Variants in NRCAM observed in about 807,000 individuals in gnomAD.
NRCAM encodes NgCAM-related cell adhesion molecule.
NRCAM carries 83 observed loss-of-function variants against 156.5 expected under a neutral mutation model. That is an observed-to-expected ratio of 0.53 (90% CI 0.44 to 0.64). The LOEUF is 0.64. Ranked by LOEUF, NRCAM falls within the 30% of genes least tolerant of loss-of-function variation. The pLI, the probability that NRCAM is intolerant of heterozygous loss-of-function variation, is 0.00. For missense variants in NRCAM, 1,417 were observed against 1,597.3 expected, an observed-to-expected ratio of 0.89 and a Z score of 1.92; for synonymous variants, 538 against 563.9, an observed-to-expected ratio of 0.95 and a Z score of 0.65.
intron 3 of NRCAM, among the ~76,000 whole-genome samples, chr7:108,296,354 A>G (rs1258355160): frequency 6.6e-6 from 1 of 152,212 alleles, no homozygotes; most frequent in Non-Finnish European, 1.5e-5. Flanking sequence ...GAACTGAAGT[A>G]GAGCCACTAA....
intron 3 of NRCAM, among the ~76,000 whole-genome samples, chr7:108,296,798 T>C (rs1334263434): frequency 6.6e-6 from 1 of 152,192 alleles, no homozygotes; most frequent in Non-Finnish European, 1.5e-5. Context: ...AACTGGCAAA[T>C]TAAATTAATT....
Position 108,447,534 on chromosome 7 carries a change from T to C in NRCAM, c.-332+8709A>G, listed in dbSNP as rs191089892. On this transcript the variant is annotated intron_variant, in intron 1 of 32. Transcript: ENST00000379028. ...ATCCGCCTACTCTGTCCTCCCAAAGTGCTGGAACTACAGGTGTGAGCCACT... is the reference window on the plus strand; with the variant it reads ...ATCCGCCTACTCTGTCCTCCCAAAGCGCTGGAACTACAGGTGTGAGCCACT... Among the ~76,000 whole-genome samples, 596 of 152,130 alleles carry C rather than the reference T, an allele frequency of 3.9e-3. 1 individual carries two copies. Among genetic ancestry groups the C allele is most frequent in the South Asian group, 0.026 (127 of 4,808 alleles).
At chr7:108,367,296 TA>T (rs1350679290) in intron 2 of NRCAM, among the ~76,000 whole-genome samples, 4 of 152,318 alleles carry the variant, frequency 2.6e-5, no homozygotes, top group African/African-American at 9.6e-5. Context: ...TAAAAGTGAA[TA>T]ATCACATTAG....
At chr7:108,393,552 C>A (rs2099768112) in intron 2 of NRCAM, among the ~76,000 whole-genome samples, 1 of 152,120 alleles carries the variant, frequency 6.6e-6, no homozygotes, top group Admixed American at 6.5e-5. Flanking sequence ...GATGCCTCAC[C>A]TTGCTTCGGC....
rs189983874 is a variant in NRCAM, at chr7:108,164,736, T to A, written c.3466+2185A>T. ...TGGCAGCATTTGCTCTTACAGGCGA[T>A]GTGTTAACTAAGGTCACTAGAGGTG... On this transcript the variant is annotated intron_variant, in intron 30 of 32. Coordinates refer to ENST00000379028, the MANE Select transcript of NRCAM (RefSeq NM_001037132.4). 2.9e-3 allele frequency among the ~76,000 whole-genome samples: 441 copies of A among 152,324 alleles called. 4 individuals carry two copies. Among genetic ancestry groups the A allele is most frequent in the African/African-American group, 9.7e-3 (402 of 41,570 alleles).
intron 1 of NRCAM, among the ~76,000 whole-genome samples, chr7:108,416,045 CAAACATTTCAG>C (rs139162507): frequency 0.012 from 1,893 of 152,288 alleles, 34 homozygotes; most frequent in African/African-American, 0.043. Context: ...AGAGATGCTG[CAAACATTTCAG>C]AAACATTTCA....
intron 6 of NRCAM, among the ~76,000 whole-genome samples, chr7:108,233,890 CT>C (rs1168603087): frequency 6.6e-6 from 1 of 152,144 alleles, no homozygotes; most frequent in Non-Finnish European, 1.5e-5. Flanking sequence ...GAATAAGTTA[CT>C]TAGCATTACC....
At chr7:108,200,574 A>C (rs1209766279) in intron 13 of NRCAM, among the ~76,000 whole-genome samples, 3 of 152,190 alleles carry the variant, frequency 2.0e-5, no homozygotes, top group African/African-American at 7.2e-5. Context: ...GCTGGAACAC[A>C]AAGCAGCATT....
intron 3 of NRCAM, among the ~76,000 whole-genome samples, chr7:108,271,061 C>T (rs931958335): frequency 2.6e-5 from 4 of 151,696 alleles, no homozygotes. Context: ...AGAAAACCCC[C>T]CACACAAAGA....
intron 11 of NRCAM, among the ~76,000 whole-genome samples, chr7:108,215,469 C>A (rs2087725658): frequency 6.6e-6 from 1 of 152,032 alleles, no homozygotes; most frequent in African/African-American, 2.4e-5. Context: ...CCCGCCTCAG[C>A]CTCCCAAAGT....
chr7:108,255,316 G>A (rs1037460026), intron 3 of NRCAM, among the ~76,000 whole-genome samples: 8 of 152,252 alleles, frequency 5.3e-5, no homozygotes, highest in Admixed American at 1.3e-4. Flanking sequence ...GCAGGTGTGC[G>A]CCGCCACGCC....
chr7:108,254,526 T>C (rs556513130), intron 3 of NRCAM, among the ~76,000 whole-genome samples: 19 of 151,042 alleles, frequency 1.3e-4, no homozygotes, highest in African/African-American at 4.2e-4. Context: ...TAAAAACATA[T>C]AGCCATTCTG....
chr7:108,222,622 C>T (rs185059779), intron 11 of NRCAM, among the ~76,000 whole-genome samples: 62 of 152,078 alleles, frequency 4.1e-4, no homozygotes, highest in African/African-American at 1.4e-3. Context: ...GCTAGTTTTC[C>T]GTAGCTTGAG....
At chr7:108,266,211 A>G (rs1291540402) in intron 3 of NRCAM, among the ~76,000 whole-genome samples, 2 of 152,234 alleles carry the variant, frequency 1.3e-5, no homozygotes, top group African/African-American at 4.8e-5. Context: ...AACAGATAAC[A>G]CAGAAGCCAT....
intron 1 of NRCAM, among the ~76,000 whole-genome samples, chr7:108,444,210 T>C (rs978892027): frequency 5.9e-5 from 9 of 152,216 alleles, no homozygotes; most frequent in African/African-American, 2.2e-4. Flanking sequence ...ATGTAGGTTA[T>C]ACGCAAATAC....
chr7:108,257,872 C>T (rs2096744034), intron 3 of NRCAM, among the ~76,000 whole-genome samples: 1 of 151,996 alleles, frequency 6.6e-6, no homozygotes, highest in Admixed American at 6.6e-5. Flanking sequence ...TTTCATCAAG[C>T]GTCTCAGATG....
chr7:108,171,653 A>G (rs1452200026), intron 28 of NRCAM, among the ~76,000 whole-genome samples: 1 of 152,128 alleles, frequency 6.6e-6, no homozygotes, highest in Admixed American at 6.5e-5. Flanking sequence ...ACACCTCTAT[A>G]TTCAGATAAC....
At chr7:108,233,927 T>G (rs755322048) in intron 6 of NRCAM, among the ~76,000 whole-genome samples, 2 of 152,192 alleles carry the variant, frequency 1.3e-5, no homozygotes, top group Non-Finnish European at 2.9e-5. Flanking sequence ...ATCTATAAAA[T>G]GTATTGGTTG....
At chr7:108,388,156 C>A (rs2099747476) in intron 2 of NRCAM, among the ~76,000 whole-genome samples, 1 of 152,156 alleles carries the variant, frequency 6.6e-6, no homozygotes, top group Non-Finnish European at 1.5e-5. Context: ...AATGGTTGAA[C>A]TAGTTTACAG....
Sources: gnomAD v4.1 joint callset for allele counts (sites outside exome capture counted in the v4.1 genomes callset) on GRCh38, gnomAD v4.1.1 for gene constraint, MANE v1.5 for transcripts, NCBI Gene and HGNC (gene_info 2026-07-23, HGNC 2026-07-21) for gene names.